Variants in ITGAL observed in about 807,000 individuals in gnomAD.
ITGAL encodes integrin subunit alpha L.
ITGAL carries 68 observed loss-of-function variants against 138.4 expected under a neutral mutation model. The observed-to-expected ratio is 0.49, with a 90% CI of 0.40 to 0.60. ITGAL has a LOEUF of 0.60. ITGAL is among the 20% of genes least tolerant of loss of function. The pLI is 0.00. For synonymous variants in ITGAL, 561 were observed against 584.3 expected (o/e 0.96, Z 0.57); for missense variants, 1,256 against 1,478.6 (o/e 0.85, Z 2.47).
intron 15 of ITGAL, 86 bp from the exon 16 acceptor site, chr16:30,498,988 C>G: frequency 7.6e-7 from 1 of 1,310,950 alleles, no homozygotes; most frequent in African/African-American, 1.5e-5. Flanking sequence ...GGAGAGTTCT[C>G]TGGCTTTGCT....
intron 20 of ITGAL, 48 bp from the exon 21 acceptor site, chr16:30,506,667 C>A: frequency 6.4e-7 from 1 of 1,556,744 alleles, no homozygotes; most frequent in Non-Finnish European, 8.8e-7. Flanking sequence ...TCTGATATTC[C>A]CCACCCTGAT....
At chr16:30,499,532 G>A in intron 17 of ITGAL, 43 bp downstream of exon 17, 1 of 1,601,410 alleles carries the variant, frequency 6.2e-7, no homozygotes, top group Non-Finnish European at 8.5e-7. Context: ...GCTACCTGCA[G>A]GGGCAGGCTC....
At chr16:30,505,768 C>T (rs1432533896) in intron 20 of ITGAL, among the ~76,000 whole-genome samples, 12 of 152,242 alleles carry the variant, frequency 7.9e-5, no homozygotes, top group South Asian at 4.1e-4. Flanking sequence ...CCTGTATTCC[C>T]AGCTACTTGG....
chr16:30,506,415 C>T (rs2050997115), intron 20 of ITGAL, among the ~76,000 whole-genome samples: 1 of 150,360 alleles, frequency 6.7e-6, no homozygotes. Flanking sequence ...AAAAATTAGC[C>T]GGGCATGGTG....
chr16:30,496,351 C>A, intron 14 of ITGAL, 57 bp downstream of exon 14: 2 of 1,607,802 alleles, frequency 1.2e-6, no homozygotes, highest in Non-Finnish European at 1.7e-6. Context: ...AGCCCCCAAG[C>A]CCAGACCCCA....
chr16:30,502,248 T>A (rs999990512), intron 17 of ITGAL, among the ~76,000 whole-genome samples: 2 of 150,052 alleles, frequency 1.3e-5, no homozygotes, highest in Non-Finnish European at 3.0e-5. Flanking sequence ...ATACAAAAAA[T>A]TAGCTGGGCG....
chr16:30,479,189 G>A lies in ITGAL; in HGVS notation c.426G>A (p.Gln142=). 1.9e-6 allele frequency: 3 copies of A among 1,614,072 alleles called. No individual in the cohort carries two copies. The highest frequency in any genetic ancestry group is 2.5e-6 in the Non-Finnish European group (3 of 1,180,002). Residue 142 remains glutamine (Q), a synonymous_variant, in exon 5 of 31, where the codon CAG becomes CAA. Transcript: ENST00000356798. ...FRQNLQGPML[Q]GRPGFQECIK... ...AGAATCTGCAGGGTCCCATGCTGCA[G>A]GGGCGCCCTGGTTTTCAGGGTAAGG...
At chr16:30,506,883 C>T (rs1032388537) in intron 21 of ITGAL, 27 bp downstream of exon 21, 2 of 1,611,782 alleles carry the variant, frequency 1.2e-6, no homozygotes, top group Non-Finnish European at 1.7e-6. Context: ...CGCCTGCCTG[C>T]GGGCATCTGT....
intron 17 of ITGAL, among the ~76,000 whole-genome samples, chr16:30,503,531 GAGGA>G (rs1218176773): frequency 3.4e-4 from 47 of 140,156 alleles, no homozygotes; most frequent in South Asian, 1.1e-3. Flanking sequence ...AAGGACAACG[GAGGA>G]AGGAAGGAAG....
At chr16:30,518,539 T>C in intron 28 of ITGAL, 85 bp from the exon 29 acceptor site, 1 of 858,232 alleles carries the variant, frequency 1.2e-6, no homozygotes. Context: ...TCTCTGCCCC[T>C]CCCCACTGTG....
chr16:30,488,374 C>T (rs901982672), intron 9 of ITGAL, among the ~76,000 whole-genome samples: 41 of 151,802 alleles, frequency 2.7e-4, no homozygotes, highest in Non-Finnish European at 2.6e-4. Context: ...GAGCAGAAAC[C>T]AAGAGCTGAG....
intron 17 of ITGAL, among the ~76,000 whole-genome samples, chr16:30,502,968 C>T (rs1187814002): frequency 2.0e-5 from 3 of 151,850 alleles, no homozygotes; most frequent in African/African-American, 7.3e-5. Flanking sequence ...GTGAACACCA[C>T]CATGCCTGGC....
chr16:30,498,826 G>T, intron 15 of ITGAL: 1 of 385,686 alleles, frequency 2.6e-6, no homozygotes, highest in Non-Finnish European at 4.7e-6. Flanking sequence ...ACTAGAGCCT[G>T]GGAGGCCGAG....
chr16:30,492,562 C>CT (rs879601094), intron 11 of ITGAL, among the ~76,000 whole-genome samples: 99 of 129,638 alleles, frequency 7.6e-4, no homozygotes, highest in African/African-American at 7.2e-4. Flanking sequence ...AACATGGTAT[C>CT]TTTTTTTTTT....
Position 30,475,513 on chromosome 16 carries a change from G to T in ITGAL, c.260G>T (p.Gly87Val), listed in dbSNP as rs1310745688. The change falls in exon 4 of 31, where the codon GGT (glycine) becomes GTT (valine). Residue 87 changes from glycine to valine, a missense_variant and splice_region_variant. This residue lies in a region of ITGAL where 212 missense variants were observed against 217.4 expected (regional missense o/e 0.98). Coordinates refer to ENST00000356798, the MANE Select transcript of ITGAL (RefSeq NM_002209.3). ...TGHCLPVTLR[G>V]SNYTSKYLGM... The stretch of plus-strand genomic sequence containing the variant: ...CAGACCAACCTTCTGGTGCCTACAG[G>T]TTCCAACTATACCTCCAAGTACTTG... 3 of 1,613,820 alleles carry T rather than the reference G, an allele frequency of 1.9e-6. No individual in the cohort carries two copies. The highest frequency in any genetic ancestry group is 2.5e-6 in the Non-Finnish European group (3 of 1,179,788).
chr16:30,492,946 C>T (rs1412249578), intron 11 of ITGAL, among the ~76,000 whole-genome samples: 1 of 152,014 alleles, frequency 6.6e-6, no homozygotes, highest in African/African-American at 2.4e-5. Context: ...TGTAATGGCA[C>T]CATCGTAGTT....
chr16:30,518,743 C>T, intron 29 of ITGAL, 24 bp downstream of exon 29: 2 of 1,564,518 alleles, frequency 1.3e-6, no homozygotes, highest in Non-Finnish European at 1.8e-6. Context: ...CTTGGAAGCC[C>T]CAGGAACAGG....
chr16:30,489,907 G>A (rs1045199037), intron 11 of ITGAL, among the ~76,000 whole-genome samples: 5 of 151,290 alleles, frequency 3.3e-5, no homozygotes, highest in African/African-American at 4.9e-5. Flanking sequence ...CTGCGCACCA[G>A]TCTGGGCAAA....
At chr16:30,495,981 A>C (rs918372197) in intron 13 of ITGAL, 116 bp from the exon 14 acceptor site, 1 of 831,506 alleles carries the variant, frequency 1.2e-6, no homozygotes, top group African/African-American at 1.7e-5. Context: ...GTCTAACAGC[A>C]CCATTCCAAT....
Sources: gnomAD v4.1 joint callset for allele counts (sites outside exome capture counted in the v4.1 genomes callset) on GRCh38, gnomAD v4.1.1 for gene constraint, gnomAD v4.1.1 regional missense constraint, MANE v1.5 for transcripts, NCBI Gene and HGNC (gene_info 2026-07-23, HGNC 2026-07-21) for gene names.